The following DCLK1 variants were observed in gnomAD, a reference collection of about 807,000 sequenced individuals.
DCLK1 encodes the protein doublecortin like kinase 1.
A neutral mutation model predicts 86.2 loss-of-function variants in DCLK1; 16 were observed. The observed-to-expected ratio is 0.19, with a 90% CI of 0.13 to 0.28. The LOEUF (loss-of-function observed/expected upper bound fraction) is 0.28, where lower values mean the gene tolerates loss of function less well. Ranked by LOEUF, DCLK1 falls within the 10% of genes least tolerant of loss-of-function variation. The probability of loss-of-function intolerance (pLI) is 1.00; values close to 1 mark genes in which losing one functional copy is unlikely to be tolerated. For synonymous variants in DCLK1, 369 were observed against 370.5 expected (o/e 1.00, Z 0.05); for missense variants, 590 against 940.2 (o/e 0.63, Z 4.87).
At chr13:35,976,781 G>T (rs1170309688) in intron 3 of DCLK1, among the ~76,000 whole-genome samples, 1 of 151,718 alleles carries the variant, frequency 6.6e-6, no homozygotes, top group Non-Finnish European at 1.5e-5. Flanking sequence ...TGATCCGCCC[G>T]CCTCGGCCTC....
intron 4 of DCLK1, among the ~76,000 whole-genome samples, chr13:35,925,685 G>A (rs1876074260): frequency 1.3e-5 from 2 of 152,134 alleles, no homozygotes; most frequent in Non-Finnish European, 2.9e-5. Context: ...TTATCTTTGA[G>A]TCAAGAACTA....
intron 3 of DCLK1, among the ~76,000 whole-genome samples, chr13:36,006,975 A>G (rs1881000391): frequency 6.6e-6 from 1 of 152,224 alleles, no homozygotes; most frequent in African/African-American, 2.4e-5. Context: ...GATTCATAAC[A>G]TAATGCTTTC....
At chr13:36,076,441 T>C (rs1884216540) in intron 3 of DCLK1, among the ~76,000 whole-genome samples, 1 of 152,218 alleles carries the variant, frequency 6.6e-6, no homozygotes, top group African/African-American at 2.4e-5. Context: ...TGAGAATTAA[T>C]GCAACTAGTC....
intron 3 of DCLK1, among the ~76,000 whole-genome samples, chr13:35,971,181 G>T (rs76755254): frequency 0.09 from 13,748 of 152,212 alleles, 786 homozygotes; most frequent in East Asian, 0.21. Flanking sequence ...GCTATGTCAG[G>T]GTAGTCTGTT....
In DCLK1 at chr13:36,078,511, C is replaced by T. The variant is rs1352582175; in HGVS notation, c.723+33358G>A. On this transcript the variant is annotated intron_variant, in intron 3 of 16. Transcript: ENST00000360631. ...GAAATCTCCCACAATTCTTTCATTT[C>T]AGCTACCAGAAAGCCATAATATTGT... 2.0e-5 allele frequency among the ~76,000 whole-genome samples: 3 copies of T among 152,186 alleles called. No homozygotes were observed. The East Asian group carries it at 5.8e-4, about 29-fold the overall frequency.
chr13:36,071,127 A>C (rs1883959479), intron 3 of DCLK1, among the ~76,000 whole-genome samples: 1 of 152,096 alleles, frequency 6.6e-6, no homozygotes, highest in Admixed American at 6.5e-5. Context: ...TTAACACTTC[A>C]GAATTTTTGA....
intron 4 of DCLK1, among the ~76,000 whole-genome samples, chr13:35,914,290 G>A (rs1002627749): frequency 1.4e-5 from 2 of 145,028 alleles, no homozygotes; most frequent in Non-Finnish European, 3.0e-5. Context: ...CTGCACTCCA[G>A]CCTGGGCAAC....
chr13:35,934,736 T>C (rs1382867186), intron 4 of DCLK1, among the ~76,000 whole-genome samples: 1 of 152,152 alleles, frequency 6.6e-6, no homozygotes, highest in Admixed American at 6.5e-5. Context: ...TGTGTCTGTG[T>C]TTGTGTATCC....
intron 15 of DCLK1, among the ~76,000 whole-genome samples, chr13:35,795,411 G>C (rs2086788239): frequency 6.6e-6 from 1 of 152,190 alleles, no homozygotes; most frequent in African/African-American, 2.4e-5. Context: ...TCTCCATTAG[G>C]AATAGAGCTT....
At chr13:35,936,964 T>A (rs1876792736) in intron 4 of DCLK1, among the ~76,000 whole-genome samples, 1 of 6,110 alleles carries the variant, frequency 1.6e-4, no homozygotes, top group East Asian at 0.011. Flanking sequence ...AAAGTTAGCT[T>A]TTTTTTTTTT....
chr13:35,842,627 C>T (rs1024196315), intron 6 of DCLK1, among the ~76,000 whole-genome samples: 8 of 152,140 alleles, frequency 5.3e-5, no homozygotes, highest in African/African-American at 1.7e-4. Flanking sequence ...TAATTCACTT[C>T]AAGATCTTAC....
At chr13:35,797,664 AACAC>A (rs146313598) in intron 15 of DCLK1, among the ~76,000 whole-genome samples, 5 of 151,040 alleles carry the variant, frequency 3.3e-5, no homozygotes, top group African/African-American at 4.8e-5. Context: ...CATACATGTA[AACAC>A]ACACACACAC....
intron 3 of DCLK1, among the ~76,000 whole-genome samples, chr13:36,066,848 C>G (rs915688126): frequency 6.6e-6 from 1 of 151,578 alleles, no homozygotes; most frequent in African/African-American, 2.4e-5. Context: ...CAAATCAAAA[C>G]CACAATGAGA....
At chr13:35,853,793 C>A (rs992005377) in intron 6 of DCLK1, among the ~76,000 whole-genome samples, 1 of 152,144 alleles carries the variant, frequency 6.6e-6, no homozygotes, top group Non-Finnish European at 1.5e-5. Context: ...TGTACCTCCC[C>A]CTTTGCCCCC....
chr13:36,016,764 A>T (rs1335042293), intron 3 of DCLK1, among the ~76,000 whole-genome samples: 1 of 152,264 alleles, frequency 6.6e-6, no homozygotes, highest in African/African-American at 2.4e-5. Flanking sequence ...AATAAATGAA[A>T]TTAATTTTGA....
intron 3 of DCLK1, among the ~76,000 whole-genome samples, chr13:36,079,556 C>G (rs12867572): frequency 6.6e-6 from 1 of 151,796 alleles, no homozygotes; most frequent in Admixed American, 6.6e-5. Context: ...TGCTTAAACC[C>G]GGGAGACGGA....
chr13:35,911,566 T>C lies in DCLK1; in HGVS notation c.823+35792A>G, dbSNP rs542751171. 3.5e-4 allele frequency among the ~76,000 whole-genome samples: 53 copies of C among 152,300 alleles called. No individual in the cohort carries two copies. In the South Asian group the frequency reaches 7.5e-3, roughly 21 times the overall value. On this transcript the variant is annotated intron_variant, in intron 4 of 16. Coordinates refer to ENST00000360631, the MANE Select transcript of DCLK1 (RefSeq NM_001330071.2). Reference sequence around the variant, plus strand: ...AGACCCTAGGATGTCTCTGCTGTTGTAGTATTTATGCCTTAAATAGGAGGA... The same window carrying C: ...AGACCCTAGGATGTCTCTGCTGTTGCAGTATTTATGCCTTAAATAGGAGGA...
At chr13:35,835,478 C>G (rs1198571782) in intron 8 of DCLK1, among the ~76,000 whole-genome samples, 2 of 152,188 alleles carry the variant, frequency 1.3e-5, no homozygotes, top group Non-Finnish European at 2.9e-5. Context: ...TAGTAGCCAC[C>G]AGCTAACGTC....
At position 35,774,625 on chromosome 13, in the gene DCLK1, C is replaced by T. The variant is rs377204170; in HGVS notation, c.2133G>A (p.Ala711=). 1.5e-5 allele frequency: 24 copies of T among 1,604,456 alleles called. No homozygotes were observed. The African/African-American group carries it at 2.3e-4, about 15-fold the overall frequency. Residue 711 remains alanine, a synonymous_variant, in exon 17 of 17, where the codon GCG becomes GCA. Coordinates refer to ENST00000360631, the MANE Select transcript of DCLK1 (RefSeq NM_001330071.2). ...RNQDVRSRYK[A]QPAPPELNSE... is the part of the protein sequence containing the mutation. Reference sequence around the variant, plus strand: ...AGTTGAGTTCGGGAGGAGCTGGCTGCGCCTTGTACCGGCTCCTCACATCCT... The same window carrying T: ...AGTTGAGTTCGGGAGGAGCTGGCTGTGCCTTGTACCGGCTCCTCACATCCT...
Sources: allele counts gnomAD v4.1 joint callset (sites outside exome capture counted in the v4.1 genomes callset), GRCh38; gene constraint gnomAD v4.1.1; transcripts MANE v1.5; gene names NCBI Gene and HGNC (gene_info 2026-07-23, HGNC 2026-07-21).